The following TECRL variants were observed in gnomAD, a reference collection of about 807,000 sequenced individuals.
TECRL encodes the protein trans-2,3-enoyl-CoA reductase-like.
A neutral mutation model predicts 52.8 loss-of-function variants in TECRL; 63 were observed. That is an observed-to-expected ratio of 1.19 (90% CI 0.97 to 1.47). The LOEUF is 1.47. Ranked by LOEUF, TECRL falls within the 40% of genes most tolerant of loss-of-function variation. The pLI, the probability that TECRL is intolerant of heterozygous loss-of-function variation, is 0.00. For synonymous variants in TECRL, 164 were observed against 141.9 expected (o/e 1.16, Z -1.10); for missense variants, 482 against 429.6 (o/e 1.12, Z -1.08).
At chr4:64,390,723 T>C (rs1365575324) in intron 1 of TECRL, among the ~76,000 whole-genome samples, 1 of 151,768 alleles carries the variant, frequency 6.6e-6, no homozygotes, top group African/African-American at 2.4e-5. Context: ...ATAAATCTAC[T>C]GACGTAAAGA....
At position 64,317,359 on chromosome 4, in the gene TECRL, G is replaced by A. The variant is rs144329771; in HGVS notation, c.436-2596C>T. Among the ~76,000 whole-genome samples, 516 of 152,006 alleles carry A rather than the reference G, an allele frequency of 3.4e-3. 3 individuals carry two copies. The highest frequency in any genetic ancestry group is 0.012 in the African/African-American group (497 of 41,452). The stretch of plus-strand genomic sequence containing the variant: ...CATGGCTGCAACTGTGAATTGGTGA[G>A]AGCCCATGTGCTTAAACTGTGCTTA... On this transcript the variant is annotated intron_variant, in intron 4 of 11. Transcript: ENST00000381210.
chr4:64,305,251 C>A lies in TECRL; in HGVS notation c.658-13G>T. On this transcript the variant is annotated splice_polypyrimidine_tract_variant and intron_variant, in intron 6 of 11. Transcript: ENST00000381210. ...AAAAGGCACAACTCTGCAAACAAAA[C>A]AAAACAAAATAAAAGTTAGGAAAAA... 7 of 1,608,976 alleles carry A rather than the reference C, an allele frequency of 4.4e-6. No homozygotes were observed. The highest frequency in any genetic ancestry group is 5.1e-6 in the Non-Finnish European group (6 of 1,177,694).
intron 6 of TECRL, among the ~76,000 whole-genome samples, chr4:64,305,488 C>T (rs1321030690): frequency 1.3e-5 from 2 of 152,072 alleles, no homozygotes; most frequent in African/African-American, 4.8e-5. Context: ...GAGGGAGGGT[C>T]TCAGAAGAGG....
chr4:64,384,392 C>T (rs1723029277), intron 1 of TECRL, among the ~76,000 whole-genome samples: 1 of 152,058 alleles, frequency 6.6e-6, no homozygotes, highest in African/African-American at 2.4e-5. Context: ...CCTGAGGCCC[C>T]AAGTTGGCAT....
At chr4:64,286,247 T>A (rs1244248150) in intron 9 of TECRL, among the ~76,000 whole-genome samples, 1 of 151,816 alleles carries the variant, frequency 6.6e-6, no homozygotes, top group Non-Finnish European at 1.5e-5. Context: ...CAAGAAGATA[T>A]AATACAAAAT....
intron 6 of TECRL, among the ~76,000 whole-genome samples, chr4:64,308,149 C>A (rs1406322960): frequency 6.6e-6 from 1 of 152,038 alleles, no homozygotes; most frequent in South Asian, 2.1e-4. Context: ...GCTGATTAGG[C>A]AGATAGAGAT....
chr4:64,311,993 A>G (rs774345698), intron 5 of TECRL, among the ~76,000 whole-genome samples: 6 of 152,148 alleles, frequency 3.9e-5, no homozygotes, highest in Non-Finnish European at 5.9e-5. Context: ...AGATAAGGAA[A>G]TGTTCAGGTA....
At chr4:64,365,856 T>G (rs144343616) in intron 2 of TECRL, among the ~76,000 whole-genome samples, 128 of 152,108 alleles carry the variant, frequency 8.4e-4, no homozygotes, top group African/African-American at 3.0e-3. Context: ...CAATGACATG[T>G]TTTCACAGAA....
Position 64,281,595 on chromosome 4 carries a change from C to T in TECRL, c.833-36G>A, listed in dbSNP as rs1275251545. 4 of 1,164,760 alleles carry T rather than the reference C, an allele frequency of 3.4e-6. No homozygotes were observed. In the South Asian group the frequency reaches 5.2e-5, roughly 15 times the overall value. 72.2% of individuals were successfully genotyped at this position (1,164,760 alleles called of 1,614,324 possible). On this transcript the variant is annotated intron_variant, in intron 9 of 11. Coordinates refer to ENST00000381210, the MANE Select transcript of TECRL (RefSeq NM_001010874.5). The stretch of plus-strand genomic sequence containing the variant: ...GGAAAGTAAAATGTCAATGATGCTA[C>T]ACATTGCAAATCTGATCATATGCTT...
intron 1 of TECRL, among the ~76,000 whole-genome samples, chr4:64,393,420 C>A (rs929713410): frequency 3.3e-5 from 5 of 151,910 alleles, no homozygotes; most frequent in South Asian, 2.1e-4. Flanking sequence ...AATGCTCCTG[C>A]CTTATCCATC....
chr4:64,406,716 C>G (rs962169907), intron 1 of TECRL, among the ~76,000 whole-genome samples: 8 of 151,930 alleles, frequency 5.3e-5, no homozygotes, highest in Non-Finnish European at 1.0e-4. Context: ...CTTTCTTACT[C>G]CTTGATAGAC....
intron 9 of TECRL, 116 bp from the exon 10 acceptor site, chr4:64,281,675 C>G (rs949345251): frequency 1.7e-6 from 1 of 572,438 alleles, no homozygotes; most frequent in African/African-American, 1.9e-5. Context: ...AATGTCATCA[C>G]GTATTTATAG....
At chr4:64,306,203 C>T (rs558075566) in intron 6 of TECRL, among the ~76,000 whole-genome samples, 1 of 152,256 alleles carries the variant, frequency 6.6e-6, no homozygotes, top group African/African-American at 2.4e-5. Flanking sequence ...GGCTGTTGCT[C>T]CTACAAGACT....
At chr4:64,316,758 G>A (rs1312017305) in intron 4 of TECRL, among the ~76,000 whole-genome samples, 2 of 152,216 alleles carry the variant, frequency 1.3e-5, no homozygotes, top group East Asian at 3.9e-4. Flanking sequence ...ATATTCTAAA[G>A]AGGCAGATAC....
chr4:64,400,841 C>G (rs896575810), intron 1 of TECRL, among the ~76,000 whole-genome samples: 4 of 152,162 alleles, frequency 2.6e-5, no homozygotes, highest in African/African-American at 9.7e-5. Context: ...GCTTCCTGTA[C>G]AGCCTGCAGA....
At chr4:64,345,925 A>AAAAAAAAAAAAAAAAC in intron 2 of TECRL, among the ~76,000 whole-genome samples, 1 of 146,062 alleles carries the variant, frequency 6.8e-6, no homozygotes, top group Non-Finnish European at 1.5e-5. Context: ...AAAAAAAAAA[A>AAAAAAAAAAAAAAAAC]AAAAAACATT....
At chr4:64,288,757 A>G (rs1723215644) in intron 9 of TECRL, among the ~76,000 whole-genome samples, 1 of 152,202 alleles carries the variant, frequency 6.6e-6, no homozygotes, top group Non-Finnish European at 1.5e-5. Context: ...CAAAACCAGT[A>G]TATTTGAGAA....
chr4:64,391,494 T>A (rs1337993080), intron 1 of TECRL, among the ~76,000 whole-genome samples: 1 of 151,850 alleles, frequency 6.6e-6, no homozygotes, highest in Non-Finnish European at 1.5e-5. Context: ...GTCTACCCCA[T>A]TAATAACATC....
At chr4:64,370,838 G>A (rs62408523) in intron 2 of TECRL, among the ~76,000 whole-genome samples, 7,290 of 151,836 alleles carry the variant, frequency 0.048, 255 homozygotes, top group Non-Finnish European at 0.078. Context: ...CATGTGCTTA[G>A]TAATATGCTA....
Sources: gnomAD v4.1 joint callset for allele counts (sites outside exome capture counted in the v4.1 genomes callset) on GRCh38, gnomAD v4.1.1 for gene constraint, MANE v1.5 for transcripts, NCBI Gene and HGNC (gene_info 2026-07-23, HGNC 2026-07-21) for gene names.